Variants in TMEM235 observed in about 807,000 individuals in gnomAD.
The protein encoded by TMEM235 is transmembrane protein 235.
A neutral mutation model predicts 22.9 loss-of-function variants in TMEM235; 23 were observed. That is an observed-to-expected ratio of 1.00 (90% CI 0.72 to 1.42). The LOEUF (loss-of-function observed/expected upper bound fraction) is 1.42, where lower values mean the gene tolerates loss of function less well. TMEM235 is among the 40% of genes most tolerant of loss of function. The probability of loss-of-function intolerance (pLI) is 0.00; values close to 1 mark genes in which losing one functional copy is unlikely to be tolerated. For synonymous variants in TMEM235, 137 were observed against 140.5 expected, an observed-to-expected ratio of 0.98 and a Z score of 0.17; for missense variants, 308 against 299.5, an observed-to-expected ratio of 1.03 and a Z score of -0.21.
At chr17:78,240,017 C>A in exon 6 of TMEM235, 5 of 1,524,636 alleles carry the variant, frequency 3.3e-6, no homozygotes, top group Non-Finnish European at 4.4e-6. Context: ...TGTTCTCAAG[C>A]CTGCTAGGTA....
At chr17:78,231,715 A>G (rs2076580815) in exon 2 of TMEM235, 3 of 1,269,280 alleles carry the variant, frequency 2.4e-6, no homozygotes, top group South Asian at 1.3e-5. Flanking sequence ...GAACGTGCCC[A>G]GGGACCCGGG....
At position 78,239,286 on chromosome 17, in the gene TMEM235, T is replaced by A; in HGVS notation, c.659+13T>A. On this transcript the variant is annotated intron_variant, in intron 5 of 5. Coordinates refer to ENST00000421688, the Ensembl canonical transcript of TMEM235. ...AGGTGGGAGGGAGGTAAGAGGGGGC[T>A]GGGTTTCCCTTTGCACCTCCCGGGA... 6.5e-7 allele frequency: 1 copy of A among 1,535,842 alleles called. No individual in the cohort carries two copies. Among genetic ancestry groups the A allele is most frequent in the Admixed American group, 2.0e-5 (1 of 50,888 alleles).
intron 1 of TMEM235, chr17:78,231,345 A>G: frequency 8.5e-7 from 1 of 1,180,632 alleles, no homozygotes; most frequent in South Asian, 1.5e-5. Flanking sequence ...TTTCTCCGTG[A>G]GTGACTGGAC....
exon 2 of TMEM235, chr17:78,231,964 C>A: frequency 4.6e-6 from 5 of 1,091,500 alleles, no homozygotes; most frequent in Non-Finnish European, 5.6e-6. Context: ...GCTCCGCGCG[C>A]CCCCCGCCGC....
chr17:78,231,545 C>T, exon 2 of TMEM235: 1 of 1,304,052 alleles, frequency 7.7e-7, no homozygotes, highest in Non-Finnish European at 1.0e-6. Flanking sequence ...GGCTCCTATG[C>T]TTCCAGGAGC....
exon 6 of TMEM235, chr17:78,240,249 T>A (rs922700511): frequency 2.9e-6 from 1 of 347,068 alleles, no homozygotes; most frequent in Non-Finnish European, 5.1e-6. Flanking sequence ...TTGGGGCCAC[T>A]CCTTGCCTGC....
At chr17:78,239,229 C>A in exon 5 of TMEM235, 1 of 1,542,850 alleles carries the variant, frequency 6.5e-7, no homozygotes, top group Non-Finnish European at 8.7e-7. Context: ...TCAGCCTGAG[C>A]CCCCCAATCT....
chr17:78,239,818 C>T, exon 6 of TMEM235: 1 of 1,551,060 alleles, frequency 6.4e-7, no homozygotes. Context: ...AGGGACCCAC[C>T]CAGATCGCCT....
At chr17:78,239,067 G>A (rs375022647) in exon 5 of TMEM235, 58 of 1,544,008 alleles carry the variant, frequency 3.8e-5, no homozygotes, top group Non-Finnish European at 4.8e-5. Flanking sequence ...TCAGCTACTC[G>A]CACCTGGCCT....
chr17:78,231,333 GT>G (rs1302005326), exon 1 of TMEM235: 7 of 1,157,906 alleles, frequency 6.0e-6, no homozygotes, highest in Non-Finnish European at 7.8e-6. Flanking sequence ...CTTTCTGCCT[GT>G]TTTCTCCGTG....
At chr17:78,240,595 T>C (rs970040771) in exon 6 of TMEM235, 1 of 152,768 alleles carries the variant, frequency 6.5e-6, no homozygotes, top group African/African-American at 2.4e-5. Context: ...AACGGCCCCG[T>C]TTGGGGTTTG....
exon 5 of TMEM235, chr17:78,239,177 A>G: frequency 6.5e-7 from 1 of 1,543,056 alleles, no homozygotes; most frequent in Non-Finnish European, 8.7e-7. Flanking sequence ...TGTGCCTTGG[A>G]GGCATTCAGC....
rs1430584784 is a variant in TMEM235, at chr17:78,238,738, C to T, written c.410-286C>T. Among the ~76,000 whole-genome samples, 2 of 151,802 alleles carry T rather than the reference C, an allele frequency of 1.3e-5. No individual in the cohort carries two copies. The highest frequency in any genetic ancestry group is 2.1e-4 in the South Asian group (1 of 4,822). On this transcript the variant is annotated intron_variant, in intron 4 of 5. Coordinates refer to ENST00000421688, the Ensembl canonical transcript of TMEM235. This position sits in a 1 kb window ranked among gnomAD's most constrained non-coding sequence, Gnocchi z 4.3. ...TGCAGGAGGCTTTATGGGATGAGGTCTCTGAGGTTTGAGGACTGAATTGGA... is the reference window on the plus strand; with the variant it reads ...TGCAGGAGGCTTTATGGGATGAGGTTTCTGAGGTTTGAGGACTGAATTGGA...
At chr17:78,240,110 C>T in exon 6 of TMEM235, 2 of 1,346,780 alleles carry the variant, frequency 1.5e-6, no homozygotes, top group Middle Eastern at 2.9e-4. Context: ...CTTCCGGCCC[C>T]CGACCCTTCC....
chr17:78,236,071 C>T (rs941341943), intron 4 of TMEM235, among the ~76,000 whole-genome samples: 7 of 152,224 alleles, frequency 4.6e-5, no homozygotes, highest in East Asian at 3.8e-4. Flanking sequence ...ACATGCGATT[C>T]GGGCCGGGAC....
exon 6 of TMEM235, chr17:78,239,809 G>C (rs2076688641): frequency 6.5e-7 from 1 of 1,549,652 alleles, no homozygotes; most frequent in Middle Eastern, 1.7e-4. Context: ...GAGCGGCAGA[G>C]GGACCCACCC....
At chr17:78,233,744 C>T in intron 2 of TMEM235, 151 bp from the exon 2 acceptor site, 2 of 618,872 alleles carry the variant, frequency 3.2e-6, no homozygotes, top group Admixed American at 6.1e-5. Flanking sequence ...AGGTCTTGGG[C>T]CTTTTCATCC....
At chr17:78,232,156 T>A in exon 2 of TMEM235, 4 of 1,488,496 alleles carry the variant, frequency 2.7e-6, no homozygotes, top group Non-Finnish European at 2.7e-6. Context: ...TGGCAGCGCC[T>A]GGCCCGGGCG....
At chr17:78,236,566 C>A (rs1244751544) in intron 4 of TMEM235, among the ~76,000 whole-genome samples, 2 of 152,242 alleles carry the variant, frequency 1.3e-5, no homozygotes, top group Non-Finnish European at 2.9e-5. Flanking sequence ...CCCTTCACCC[C>A]CACTGGTGCT....
Sources: gnomAD v4.1 joint callset for allele counts (sites outside exome capture counted in the v4.1 genomes callset) on GRCh38, gnomAD v4.1.1 for gene constraint, Gnocchi (gnomAD v3.1) non-coding constraint, MANE v1.5 for transcripts, NCBI Gene and HGNC (gene_info 2026-07-23, HGNC 2026-07-21) for gene names.